The following NTNG1 variants were observed in gnomAD, a reference collection of about 807,000 sequenced individuals.
NTNG1 encodes the protein netrin G1, also known as netrin-G1.
In NTNG1, 16 loss-of-function variants were observed where a neutral mutation model predicts 54.0. The ratio of observed to expected loss-of-function variants is 0.30; its 90% confidence interval spans 0.20 to 0.45. NTNG1 has a LOEUF of 0.45. Ranked by LOEUF, NTNG1 falls within the 20% of genes least tolerant of loss-of-function variation. NTNG1 has a pLI of 1.00. For missense variants in NTNG1, 530 were observed against 678.7 expected (o/e 0.78, Z 2.43); for synonymous variants, 255 against 263.1 (o/e 0.97, Z 0.30).
chr1:107,269,111 C>T (rs1452259023), intron 2 of NTNG1, among the ~76,000 whole-genome samples: 1 of 152,170 alleles, frequency 6.6e-6, no homozygotes, highest in Non-Finnish European at 1.5e-5. Flanking sequence ...AAAAGTCAAT[C>T]TATTTTTAGT....
intron 3 of NTNG1, among the ~76,000 whole-genome samples, chr1:107,380,192 CT>C (rs980351069): frequency 3.9e-5 from 6 of 152,064 alleles, no homozygotes; most frequent in African/African-American, 1.2e-4. Flanking sequence ...ATTAATCTCT[CT>C]TTTTTTTCCA....
At chr1:107,374,330 A>ATC (rs980508790) in intron 3 of NTNG1, among the ~76,000 whole-genome samples, 5 of 151,840 alleles carry the variant, frequency 3.3e-5, no homozygotes, top group African/African-American at 1.2e-4. Context: ...TGGCCCACCC[A>ATC]TCTCTCTCTC....
At position 107,481,126 on chromosome 1, in the gene NTNG1, GC is replaced by G; in HGVS notation, c.*292del. On this transcript the variant is annotated 3_prime_UTR_variant, in exon 8 of 8. Coordinates refer to ENST00000370068, the MANE Select transcript of NTNG1 (RefSeq NM_001113226.3). ...ATTGTGGATTGGAAAGGCTGCGACA[GC>G]CCCCCAAACAGGAAAGACAAAAAAC... 1 of 436,902 alleles carries G rather than the reference GC, an allele frequency of 2.3e-6. No individual in the cohort carries two copies. 27.1% of individuals were successfully genotyped at this position (436,902 alleles called of 1,614,324 possible). A position where few individuals can be genotyped will look rare whatever the true frequency, so the allele number is the denominator to read the frequency against.
At chr1:107,369,601 C>A (rs1415925330) in intron 3 of NTNG1, among the ~76,000 whole-genome samples, 1 of 152,004 alleles carries the variant, frequency 6.6e-6, no homozygotes, top group Admixed American at 6.6e-5. Flanking sequence ...TGATTATTTT[C>A]CTATTATTGA....
At chr1:107,365,711 A>G (rs1243758164) in intron 3 of NTNG1, among the ~76,000 whole-genome samples, 1 of 152,202 alleles carries the variant, frequency 6.6e-6, no homozygotes, top group Non-Finnish European at 1.5e-5. Context: ...ACAACTACTT[A>G]ACATAATCCC....
chr1:107,310,565 T>C (rs1306017259), intron 2 of NTNG1, among the ~76,000 whole-genome samples: 2 of 152,130 alleles, frequency 1.3e-5, no homozygotes, highest in East Asian at 3.8e-4. Flanking sequence ...GATTTATGTG[T>C]CTGCTGATCT....
intron 2 of NTNG1, among the ~76,000 whole-genome samples, chr1:107,216,613 T>C (rs1659975858): frequency 6.6e-6 from 1 of 152,166 alleles, no homozygotes; most frequent in Non-Finnish European, 1.5e-5. Flanking sequence ...GTTTTCTTAT[T>C]TGGTTATGTC....
At chr1:107,403,007 A>T (rs1407691744) in intron 4 of NTNG1, among the ~76,000 whole-genome samples, 1 of 152,180 alleles carries the variant, frequency 6.6e-6, no homozygotes, top group Non-Finnish European at 1.5e-5. Flanking sequence ...GCACTGTATT[A>T]ATCAGCTTCT....
chr1:107,366,398 C>A (rs1195459840), intron 3 of NTNG1, among the ~76,000 whole-genome samples: 1 of 152,072 alleles, frequency 6.6e-6, no homozygotes, highest in Non-Finnish European at 1.5e-5. Context: ...TAAATATAGA[C>A]CCAAAAAATC....
chr1:107,441,428 A>C (rs921192589), intron 7 of NTNG1, among the ~76,000 whole-genome samples: 1 of 152,186 alleles, frequency 6.6e-6, no homozygotes, highest in African/African-American at 2.4e-5. Context: ...TATTTAAGTG[A>C]AAGTCAAAAG....
intron 5 of NTNG1, chr1:107,407,936 G>C (rs1673553897): frequency 1.4e-6 from 1 of 714,262 alleles, no homozygotes; most frequent in South Asian, 1.4e-5. Flanking sequence ...TGACTTTTCT[G>C]ACTACTCTTA....
At chr1:107,437,275 A>T (rs1298590927) in intron 7 of NTNG1, among the ~76,000 whole-genome samples, 1 of 152,234 alleles carries the variant, frequency 6.6e-6, no homozygotes, top group Non-Finnish European at 1.5e-5. Flanking sequence ...AATAAATCTA[A>T]GGAATATTTA....
At chr1:107,339,656 C>A (rs566018808) in intron 3 of NTNG1, among the ~76,000 whole-genome samples, 2 of 152,008 alleles carry the variant, frequency 1.3e-5, no homozygotes, top group African/African-American at 4.8e-5. Flanking sequence ...TTTGTGAGAA[C>A]ATGACAATTG....
chr1:107,317,116 T>G (rs911941482), intron 2 of NTNG1, among the ~76,000 whole-genome samples: 1 of 152,300 alleles, frequency 6.6e-6, no homozygotes, highest in African/African-American at 2.4e-5. Flanking sequence ...AAAAAACTTT[T>G]CGAACATCAA....
chr1:107,291,376 A>G (rs891373231), intron 2 of NTNG1, among the ~76,000 whole-genome samples: 1 of 152,138 alleles, frequency 6.6e-6, no homozygotes, highest in African/African-American at 2.4e-5. Flanking sequence ...GGCTATTACT[A>G]GTTTAGTTTT....
intron 2 of NTNG1, among the ~76,000 whole-genome samples, chr1:107,246,662 G>A (rs1046009298): frequency 2.0e-5 from 3 of 151,808 alleles, no homozygotes; most frequent in African/African-American, 7.3e-5. Flanking sequence ...TTTTATTGCG[G>A]TAGCTACTAA....
chr1:107,361,072 C>T (rs1405239634), intron 3 of NTNG1, among the ~76,000 whole-genome samples: 2 of 146,800 alleles, frequency 1.4e-5, no homozygotes, highest in African/African-American at 2.5e-5. Context: ...AAAAAAAAGG[C>T]AAAAGATCTT....
At chr1:107,332,281 C>T (rs1329275902) in intron 3 of NTNG1, among the ~76,000 whole-genome samples, 2 of 151,880 alleles carry the variant, frequency 1.3e-5, no homozygotes, top group African/African-American at 4.8e-5. Flanking sequence ...GAGCTTGTCT[C>T]TTTATCCTTA....
chr1:107,214,050 A>G (rs1240012224), intron 2 of NTNG1, among the ~76,000 whole-genome samples: 1 of 152,136 alleles, frequency 6.6e-6, no homozygotes, highest in African/African-American at 2.4e-5. Context: ...AGTTTTAATA[A>G]ATATAAGTTC....
Sources: gnomAD v4.1 joint callset for allele counts (sites outside exome capture counted in the v4.1 genomes callset) on GRCh38, gnomAD v4.1.1 for gene constraint, MANE v1.5 for transcripts, NCBI Gene and HGNC (gene_info 2026-07-23, HGNC 2026-07-21) for gene names.